TYW1B: variants seen among roughly 807,000 people sequenced by gnomAD.
TYW1B encodes the protein tRNA-yW synthesizing protein 1 homolog B.
TYW1B carries 73 observed loss-of-function variants against 86.9 expected under a neutral mutation model. The ratio of observed to expected loss-of-function variants is 0.84; its 90% CI spans 0.70 to 1.02. TYW1B has a LOEUF of 1.02. TYW1B is among the 50% of genes least tolerant of loss of function. The pLI is 0.00. For synonymous variants in TYW1B, 248 were observed against 292.8 expected, an observed-to-expected ratio of 0.85 and a Z score of 1.56; for missense variants, 637 against 827.4, an observed-to-expected ratio of 0.77 and a Z score of 2.82.
At chr7:72,576,332 A>C (rs61567992) in intron 13 of TYW1B, among the ~76,000 whole-genome samples, 21,707 of 152,150 alleles carry the variant, frequency 0.14, 2,349 homozygotes, top group East Asian at 0.57. Flanking sequence ...TCACGGTAGA[A>C]TAATGACCTG....
chr7:72,659,647 G>A (rs1188164824), intron 11 of TYW1B, among the ~76,000 whole-genome samples: 1 of 152,160 alleles, frequency 6.6e-6, no homozygotes, highest in Non-Finnish European at 1.5e-5. Flanking sequence ...TCAAAATACG[G>A]AAACAGAACC....
intron 11 of TYW1B, among the ~76,000 whole-genome samples, chr7:72,663,761 CAAAAAAAA>C (rs1177247717): frequency 1.7e-5 from 1 of 57,846 alleles, no homozygotes; most frequent in Admixed American, 2.7e-4. Flanking sequence ...GACTCCATCT[CAAAAAAAA>C]AAAAAAAAAA....
rs113062092 is a variant in TYW1B at position 72,759,096 on chromosome 7, C to T, written c.965-14495G>A. ...CTGTAATCCCAGCACCGTGCGAGGC[C>T]GAGGCAGGCAGATGACTTGAGCTCA... On this transcript the variant is annotated intron_variant, in intron 7 of 13. Coordinates refer to ENST00000620995, the MANE Select transcript of TYW1B (RefSeq NM_001145440.3). Among the ~76,000 whole-genome samples the T allele has an allele frequency of 4.0e-3, 615 of 152,216 alleles. 2 individuals carry two copies. Among genetic ancestry groups the T allele is most frequent in the African/African-American group, 0.014 (569 of 41,544 alleles).
chr7:72,639,934 C>T (rs1359790290), intron 11 of TYW1B, among the ~76,000 whole-genome samples: 1 of 149,780 alleles, frequency 6.7e-6, no homozygotes, highest in Non-Finnish European at 1.5e-5. Flanking sequence ...AAATGTACAA[C>T]AAAAACAGCA....
Position 72,691,606 on chromosome 7 carries a change from T to C in TYW1B, c.1506+3081A>G, listed in dbSNP as rs118173004. On this transcript the variant is annotated intron_variant, in intron 11 of 13. Transcript: ENST00000620995. ...TTGTGTTAATGTTTCCTTGTCATTT[T>C]CCATACTCAAAGAACACAGCCTAGA... Among the ~76,000 whole-genome samples the C allele has an allele frequency of 1.8e-3, 271 of 152,278 alleles. 5 individuals carry two copies. The East Asian group carries it at 0.05, about 28-fold the overall frequency.
intron 8 of TYW1B, among the ~76,000 whole-genome samples, chr7:72,735,076 A>G (rs1178549802): frequency 1.3e-5 from 2 of 152,192 alleles, no homozygotes; most frequent in African/African-American, 2.4e-5. Context: ...TAGAACTACC[A>G]TATGATCCAG....
chr7:72,720,218 G>A (rs1323124386), intron 9 of TYW1B, among the ~76,000 whole-genome samples: 1 of 152,168 alleles, frequency 6.6e-6, no homozygotes, highest in Non-Finnish European at 1.5e-5. Flanking sequence ...TTTGGCTCCA[G>A]CAACATGGCT....
chr7:72,672,124 T>G (rs1813621591), intron 11 of TYW1B, among the ~76,000 whole-genome samples: 1 of 152,142 alleles, frequency 6.6e-6, no homozygotes, highest in South Asian at 2.1e-4. Flanking sequence ...TTTGAAAAAG[T>G]GGGGTTCCCC....
intron 6 of TYW1B, among the ~76,000 whole-genome samples, chr7:72,799,274 T>C (rs1240357735): frequency 2.0e-5 from 3 of 148,170 alleles, no homozygotes; most frequent in Non-Finnish European, 4.5e-5. Flanking sequence ...TTCTCGTGCC[T>C]CAGCCTCCCA....
chr7:72,826,992 T>C lies in TYW1B; in HGVS notation c.5-7A>G, dbSNP rs1563108469. The C allele has an allele frequency of 1.9e-6, 3 of 1,599,822 alleles. No individual in the cohort carries two copies. Among genetic ancestry groups the C allele is most frequent in the Non-Finnish European group, 8.5e-7 (1 of 1,175,434 alleles). On this transcript the variant is annotated splice_polypyrimidine_tract_variant and splice_region_variant and intron_variant, in intron 1 of 13. Transcript: ENST00000620995. The stretch of plus-strand genomic sequence containing the variant: ...CATGTATCCGCAGAAGGATCTAAAT[T>C]TAAAATGACACACACAGATAATTTC...
chr7:72,810,969 A>C (rs1310226351), intron 3 of TYW1B, among the ~76,000 whole-genome samples: 16 of 152,036 alleles, frequency 1.1e-4, no homozygotes, highest in Non-Finnish European at 2.1e-4. Flanking sequence ...ACAAAATCCA[A>C]ATCAATCAAG....
At chr7:72,666,425 CA>C (rs200512915) in intron 11 of TYW1B, among the ~76,000 whole-genome samples, 2 of 150,648 alleles carry the variant, frequency 1.3e-5, no homozygotes, top group Admixed American at 6.6e-5. Context: ...AACCCTGTCT[CA>C]AAAAAAACCC....
intron 3 of TYW1B, among the ~76,000 whole-genome samples, chr7:72,812,045 A>C (rs1788631168): frequency 6.6e-6 from 1 of 152,052 alleles, no homozygotes; most frequent in African/African-American, 2.4e-5. Flanking sequence ...CATTATCTAA[A>C]CAGAACTGTT....
intron 13 of TYW1B, among the ~76,000 whole-genome samples, chr7:72,606,553 C>A (rs1811803754): frequency 6.6e-6 from 1 of 151,914 alleles, no homozygotes; most frequent in African/African-American, 2.4e-5. Flanking sequence ...CGAGTGGTGT[C>A]AGAAGAAGCT....
chr7:72,618,199 C>G (rs1812124473), intron 12 of TYW1B, among the ~76,000 whole-genome samples: 1 of 145,930 alleles, frequency 6.9e-6, no homozygotes, highest in Admixed American at 7.0e-5. Context: ...ACACCACAGA[C>G]AAATTGGAGA....
chr7:72,770,427 C>CAAAAAA (rs587645992), intron 7 of TYW1B, among the ~76,000 whole-genome samples: 3 of 94,426 alleles, frequency 3.2e-5, no homozygotes, highest in Admixed American at 2.6e-4. Flanking sequence ...GACTCCGTCT[C>CAAAAAA]AAAAAAAAAA....
intron 13 of TYW1B, among the ~76,000 whole-genome samples, chr7:72,587,967 T>G (rs1309468621): frequency 1.3e-5 from 2 of 152,216 alleles, no homozygotes; most frequent in African/African-American, 4.8e-5. Context: ...AGTGGTATCT[T>G]TTGAACTTCC....
In TYW1B at chr7:72,666,474, T is replaced by C. The variant is rs77852451; in HGVS notation, c.1506+28213A>G. ...CATAAAAATGATAAGCTAAATACTA[T>C]AAATTTGAAAAATGCTACTTGAAAT... On this transcript the variant is annotated intron_variant, in intron 11 of 13. Transcript: ENST00000620995. 1.2e-4 allele frequency among the ~76,000 whole-genome samples: 18 copies of C among 151,958 alleles called. No individual in the cohort carries two copies. The East Asian group carries it at 2.3e-3, about 20-fold the overall frequency.
rs561832336 is a variant in TYW1B at position 72,826,606 on chromosome 7, A to G, written c.135+249T>C. 2.0e-4 allele frequency among the ~76,000 whole-genome samples: 31 copies of G among 152,336 alleles called. 2 individuals carry two copies. In the South Asian group the frequency reaches 6.4e-3, roughly 32 times the overall value. On this transcript the variant is annotated intron_variant, in intron 2 of 13. Transcript: ENST00000620995. ...ATAAAACAAATTTGTTTTTCATATA[A>G]AAGGTTCACTTTTCATTACAAAAAT...
Sources: gnomAD v4.1 joint callset for allele counts (sites outside exome capture counted in the v4.1 genomes callset) on GRCh38, gnomAD v4.1.1 for gene constraint, MANE v1.5 for transcripts, NCBI Gene and HGNC (gene_info 2026-07-23, HGNC 2026-07-21) for gene names.